NAP1L4: variants seen among roughly 807,000 people sequenced by gnomAD.
The protein encoded by NAP1L4 is nucleosome assembly protein 1 like 4.
In NAP1L4, 15 loss-of-function variants were observed where a neutral mutation model predicts 58.2. The observed-to-expected ratio is 0.26, with a 90% CI of 0.17 to 0.40. The LOEUF (loss-of-function observed/expected upper bound fraction) is 0.40. Among genes scored for constraint, NAP1L4 ranks in the 10% least tolerant of loss-of-function variants. The pLI, the probability that NAP1L4 is intolerant of heterozygous loss-of-function variation, is 1.00. For missense variants in NAP1L4, 384 were observed against 451.1 expected (o/e 0.85, Z 1.35); for synonymous variants, 171 against 155.6 (o/e 1.10, Z -0.74).
intron 6 of NAP1L4, among the ~76,000 whole-genome samples, chr11:2,970,177 T>C (rs558226414): frequency 6.6e-6 from 1 of 152,220 alleles, no homozygotes; most frequent in South Asian, 2.1e-4. Context: ...GCGAAGAAAC[T>C]AAAGAGATGA....
intron 1 of NAP1L4, among the ~76,000 whole-genome samples, chr11:2,983,236 A>G (rs1028780115): frequency 2.0e-5 from 3 of 152,200 alleles, no homozygotes; most frequent in African/African-American, 7.2e-5. Context: ...TGAAAGCATA[A>G]ACCACCTGTG....
intron 1 of NAP1L4, among the ~76,000 whole-genome samples, chr11:2,980,453 T>A (rs1306776177): frequency 6.6e-6 from 1 of 152,212 alleles, no homozygotes; most frequent in Non-Finnish European, 1.5e-5. Context: ...ACCAAAGTGT[T>A]GGGATTACAG....
intron 15 of NAP1L4, among the ~76,000 whole-genome samples, chr11:2,947,807 G>C (rs1433941767): frequency 6.6e-6 from 1 of 152,188 alleles, no homozygotes; most frequent in Non-Finnish European, 1.5e-5. Flanking sequence ...GGTGGGGTTT[G>C]AACAGATAAC....
Position 2,969,910 on chromosome 11 carries a change from C to A in NAP1L4, c.427G>T (p.Val143Phe), listed in dbSNP as rs368577687. 6.2e-7 allele frequency: 1 copy of A among 1,613,286 alleles called. No homozygotes were observed. The highest frequency in any genetic ancestry group is 8.5e-7 in the Non-Finnish European group (1 of 1,179,552). ...GCCGTTGCCGCTGCTTTTTCTGTGA[C>A]GACTACTTTACTTTTCATGTCTCCC... Reference protein sequence around the residue: ...LAGDMKSKVVVTEKAAATAEE... With the variant: ...LAGDMKSKVVFTEKAAATAEE... Residue 143 changes from valine (V) to phenylalanine (F), a missense_variant, in exon 7 of 16, where the codon GTC becomes TTC. Val to Phe is a conservative substitution (Grantham distance 50, BLOSUM62 -1). This residue lies in a region of NAP1L4 where 296 missense variants were observed against 360.8 expected (regional missense o/e 0.82). Transcript: ENST00000380542.
chr11:2,986,209 A>AT (rs1342592348), intron 1 of NAP1L4, among the ~76,000 whole-genome samples: 1 of 152,112 alleles, frequency 6.6e-6, no homozygotes, highest in Non-Finnish European at 1.5e-5. Context: ...TTCCATCTCC[A>AT]TTAAAAATAC....
In NAP1L4 at chr11:2,951,340, C is replaced by G; in HGVS notation, c.1066-25G>C. The G allele has an allele frequency of 6.2e-7, 1 of 1,602,682 alleles. No individual in the cohort carries two copies. Among genetic ancestry groups the G allele is most frequent in the Middle Eastern group, 1.7e-4 (1 of 6,042 alleles). ...CCTGTATTTAAAAAGTGAGAATTAGCTGGAATGACAAGATTTAAACTCTTG... is the reference window on the plus strand; with the variant it reads ...CCTGTATTTAAAAAGTGAGAATTAGGTGGAATGACAAGATTTAAACTCTTG... On this transcript the variant is annotated intron_variant, in intron 13 of 15. Transcript: ENST00000380542. This position sits in a 1 kb window ranked among gnomAD's most constrained non-coding sequence, Gnocchi z 4.0.
At chr11:2,981,662 T>TC (rs1564990366) in intron 1 of NAP1L4, 1 of 151,882 alleles carries the variant, frequency 6.6e-6, no homozygotes, top group Non-Finnish European at 1.5e-5. Flanking sequence ...AACCCGTCTC[T>TC]ACTAAAAATA....
At chr11:2,979,128 T>C in intron 2 of NAP1L4, 79 bp downstream of exon 2, 1 of 1,399,012 alleles carries the variant, frequency 7.1e-7, no homozygotes, top group South Asian at 1.2e-5. Flanking sequence ...TTGATTCTAA[T>C]TATTTATTGA....
In NAP1L4 at chr11:2,976,107, C is replaced by G. The variant is rs753243799; in HGVS notation, c.90G>C (p.Gln30His). 1 of 1,613,760 alleles carries G rather than the reference C, an allele frequency of 6.2e-7. No individual in the cohort carries two copies. Among genetic ancestry groups the G allele is most frequent in the Admixed American group, 1.7e-5 (1 of 59,944 alleles). ...CCAGAACTCGAGGATTCTGCATCAC[C>G]TGATCTGTGAGCTTTTCTATGAAGA... ...NASNTEKLTD[Q>H]VMQNPRVLAA... is the part of the protein sequence containing the mutation. Residue 30 changes from glutamine to histidine, a missense_variant, in exon 4 of 16, where the codon CAG (glutamine) becomes CAC (histidine). Physicochemically the swap from Gln to His is conservative, Grantham distance 24. Transcript: ENST00000380542.
chr11:2,982,103 T>G (rs1462113924), intron 1 of NAP1L4, among the ~76,000 whole-genome samples: 1 of 152,222 alleles, frequency 6.6e-6, no homozygotes, highest in Admixed American at 6.5e-5. Flanking sequence ...TGTTTTTTTC[T>G]GTTATATACC....
In NAP1L4 at chr11:2,944,787, G is replaced by GCA. The variant is rs1845854845; in HGVS notation, c.*890_*891dup. On this transcript the variant is annotated 3_prime_UTR_variant, in exon 16 of 16. Coordinates refer to ENST00000380542, the MANE Select transcript of NAP1L4 (RefSeq NM_005969.4). ...AGACTGCCGAAGCCCGGCTCCGGCA[G>GCA]CAGGGTGGCGCCTGCGTCATGAGGA... The GCA allele has an allele frequency of 6.6e-6, 1 of 152,270 alleles. No individual in the cohort carries two copies. Among genetic ancestry groups the GCA allele is most frequent in the South Asian group, 2.1e-4 (1 of 4,836 alleles). 9.4% of individuals were successfully genotyped at this position (152,270 alleles called of 1,614,324 possible). A position where few individuals can be genotyped will look rare whatever the true frequency, so the allele number is the denominator to read the frequency against.
chr11:2,978,502 T>C (rs1193861225), intron 2 of NAP1L4, among the ~76,000 whole-genome samples, 160 bp from the exon 3 acceptor site: 1 of 152,216 alleles, frequency 6.6e-6, no homozygotes, highest in African/African-American at 2.4e-5. Context: ...TCTCAGAGGC[T>C]GTCCTCTCTG....
chr11:2,962,623 T>C (rs1483321675), intron 8 of NAP1L4, among the ~76,000 whole-genome samples: 1 of 152,214 alleles, frequency 6.6e-6, no homozygotes, highest in Non-Finnish European at 1.5e-5. Flanking sequence ...TTCTTTACAC[T>C]TGCCTGTATT....
intron 7 of NAP1L4, among the ~76,000 whole-genome samples, chr11:2,968,381 A>G (rs1031272346): frequency 6.6e-6 from 1 of 152,190 alleles, no homozygotes; most frequent in African/African-American, 2.4e-5. Flanking sequence ...TTCCAATGAA[A>G]TTCTGGTGCA....
chr11:2,958,221 C>G, intron 10 of NAP1L4, 178 bp downstream of exon 10: 1 of 713,570 alleles, frequency 1.4e-6, no homozygotes, highest in Non-Finnish European at 2.5e-6. Context: ...CTACCTCTGC[C>G]CCCCGCGATA....
Position 2,959,012 on chromosome 11 carries a change from CT to C in NAP1L4, c.747-469del. 5.7e-6 allele frequency: 1 copy of C among 175,430 alleles called. No homozygotes were observed. 10.9% of individuals were successfully genotyped at this position (175,430 alleles called of 1,614,324 possible). Reference sequence around the variant, plus strand: ...CCAGCCCCAGGGATGCTGGCGAGGGCTGAGCACAGCACGCTCTCTCTAACAC... The same window carrying C: ...CCAGCCCCAGGGATGCTGGCGAGGGCGAGCACAGCACGCTCTCTCTAACAC... On this transcript the variant is annotated intron_variant, in intron 9 of 15. Transcript: ENST00000380542. The surrounding 1 kb of genome is among the most constrained non-coding windows in gnomAD (Gnocchi z 4.9).
rs1275965403 is a variant in NAP1L4, at chr11:2,963,641, A to C, written c.606+1039T>G. 3 of 455,696 alleles carry C rather than the reference A, an allele frequency of 6.6e-6. No individual in the cohort carries two copies. The East Asian group carries it at 1.7e-4, about 25-fold the overall frequency. The allele number at this position is 455,696 out of a possible 1,614,324, so 28.2% of individuals were successfully genotyped here. On this transcript the variant is annotated intron_variant, in intron 8 of 15. Transcript: ENST00000380542. ...CTTGCAGTGAAGAAATCCCACTCCT[A>C]GTGGCCCTCATCCATTAGCCCAGGC...
chr11:2,981,303 G>C (rs1211926437), intron 1 of NAP1L4, among the ~76,000 whole-genome samples: 1 of 150,814 alleles, frequency 6.6e-6, no homozygotes, highest in Non-Finnish European at 1.5e-5. Context: ...GCAGCTACTT[G>C]AGAGGCTGAG....
rs1214121252 is a variant in NAP1L4 at position 2,946,887 on chromosome 11, G to A, written c.*33-1241C>T. ...AAGAACACTGAGCCACTGGCCTTAG[G>A]AGTGTGGGGGATGCAGGGCGCCCCG... is the stretch of plus-strand genomic sequence containing the variant. On this transcript the variant is annotated intron_variant, in intron 15 of 15. Transcript: ENST00000380542. The surrounding 1 kb of genome is among the most constrained non-coding windows in gnomAD (Gnocchi z 4.8). 6.6e-6 allele frequency among the ~76,000 whole-genome samples: 1 copy of A among 152,142 alleles called. No homozygotes were observed. Among genetic ancestry groups the A allele is most frequent in the Non-Finnish European group, 1.5e-5 (1 of 68,020 alleles).
Sources: gnomAD v4.1 joint callset for allele counts (sites outside exome capture counted in the v4.1 genomes callset) on GRCh38, gnomAD v4.1.1 for gene constraint, gnomAD v4.1.1 regional missense constraint, Gnocchi (gnomAD v3.1) non-coding constraint, MANE v1.5 for transcripts, NCBI Gene and HGNC (gene_info 2026-07-23, HGNC 2026-07-21) for gene names.